The following CDAN1 variants were observed in gnomAD, a reference collection of about 807,000 sequenced individuals.
CDAN1 encodes the protein codanin 1, also known as codanin-1.
Under a neutral mutation model 139.8 loss-of-function variants are expected in CDAN1, and 107 were observed. The observed-to-expected ratio is 0.77, with a 90% CI of 0.65 to 0.90. CDAN1 has a LOEUF of 0.90. Ranked by LOEUF, CDAN1 falls within the 40% of genes least tolerant of loss-of-function variation. The pLI is 0.00. For synonymous variants in CDAN1, 776 were observed against 660.6 expected (o/e 1.17, Z -2.68); for missense variants, 1,667 against 1,575.7 (o/e 1.06, Z -0.98).
At chr15:42,733,029 T>G (rs2061636236) in intron 9 of CDAN1, 68 bp downstream of exon 9, 1 of 1,371,226 alleles carries the variant, frequency 7.3e-7, no homozygotes, top group Admixed American at 1.7e-5. Context: ...TCCTCCTCCC[T>G]CCTGCCACCG....
chr15:42,730,010 C>T, intron 15 of CDAN1, 118 bp downstream of exon 15: 1 of 1,254,018 alleles, frequency 8.0e-7, no homozygotes. Context: ...ATGGGAATCC[C>T]CAGGCCTTTC....
At chr15:42,724,969 C>A (rs2061503140) in intron 27 of CDAN1, 175 bp downstream of exon 27, 6 of 684,136 alleles carry the variant, frequency 8.8e-6, no homozygotes, top group Non-Finnish European at 2.6e-6. Context: ...CGTCCGTCTT[C>A]CCACTAACAC....
chr15:42,731,447 G>C (rs1266665079), intron 11 of CDAN1, 116 bp from the exon 12 acceptor site: 4 of 1,504,026 alleles, frequency 2.7e-6, no homozygotes, highest in Admixed American at 1.7e-5. Context: ...AGGCCCAGGA[G>C]CAATGAAATC....
rs773027053 is a variant in CDAN1, at chr15:42,726,274, G to C, written c.3204+36C>G. 2.5e-6 allele frequency: 4 copies of C among 1,593,666 alleles called. No homozygotes were observed. The East Asian group carries it at 6.8e-5, about 27-fold the overall frequency. On this transcript the variant is annotated intron_variant, in intron 24 of 27. Coordinates refer to ENST00000356231, the MANE Select transcript of CDAN1 (RefSeq NM_138477.4). ...TTATCAGGTCTCACACAAGGACACA[G>C]AAAAAAGCCCCCCGGTGGCAGATGC...
rs549900345 is a variant in CDAN1, at chr15:42,735,699, C to G, written c.774-20G>C. On this transcript the variant is annotated intron_variant, in intron 3 of 27. Transcript: ENST00000356231. ...TTAGAGCTATGGAATAAAGAAATTT[C>G]ATGAGCAGTCAGCTTGGCTTCCCTG... The G allele has an allele frequency of 2.5e-6, 4 of 1,613,538 alleles. No individual in the cohort carries two copies. The East Asian group carries it at 8.9e-5, about 36-fold the overall frequency.
intron 8 of CDAN1, 90 bp from the exon 9 acceptor site, chr15:42,733,276 ACC>A (rs1491580347): frequency 4.3e-6 from 4 of 931,012 alleles, no homozygotes; most frequent in Non-Finnish European, 6.4e-6. Context: ...CCCACCCACC[ACC>A]TTTTTTTTTT....
chr15:42,728,109 C>G (rs1218069212), intron 21 of CDAN1, 76 bp from the exon 22 acceptor site: 1 of 1,583,654 alleles, frequency 6.3e-7, no homozygotes. Flanking sequence ...CGAGCACTGA[C>G]CCCGCCCCCA....
In CDAN1 at chr15:42,731,193, CTTG is replaced by C. The variant is rs773933521; in HGVS notation, c.1860+15_1860+17del. 20 of 1,614,080 alleles carry C rather than the reference CTTG, an allele frequency of 1.2e-5. No individual in the cohort carries two copies. The Admixed American group carries it at 3.0e-4, about 24-fold the overall frequency. ...TCCTGGGTCAGACCCCATTATTTCC[CTTG>C]TTCTGTTTTCGGACCTGCCAGTCTA... On this transcript the variant is annotated intron_variant, in intron 12 of 27. Coordinates refer to ENST00000356231, the MANE Select transcript of CDAN1 (RefSeq NM_138477.4).
In CDAN1 at chr15:42,735,281, T is replaced by A; in HGVS notation, c.1037A>T (p.Glu346Val). ...RMVTAKDSDPELSPAVLDSLE... is the reference protein window; with the variant it reads ...RMVTAKDSDPVLSPAVLDSLE... Reference sequence around the variant, plus strand: ...CTGACCTAGGACAGCTGGACTTAGTTCAGGGTCGCTGTCCTTGGCAGTCAC... The same window carrying A: ...CTGACCTAGGACAGCTGGACTTAGTACAGGGTCGCTGTCCTTGGCAGTCAC... The change falls in exon 5 of 28, where the codon GAA becomes GTA. Residue 346 changes from glutamate (E) to valine (V), a missense_variant. Glu to Val is a moderately radical substitution (Grantham distance 121). Coordinates refer to ENST00000356231, the MANE Select transcript of CDAN1 (RefSeq NM_138477.4). 1 of 1,609,112 alleles carries A rather than the reference T, an allele frequency of 6.2e-7. No homozygotes were observed. Among genetic ancestry groups the A allele is most frequent in the Non-Finnish European group, 8.5e-7 (1 of 1,177,528 alleles).
chr15:42,731,094 A>C (rs773705462), intron 12 of CDAN1, 23 bp from the exon 13 acceptor site: 7 of 1,614,202 alleles, frequency 4.3e-6, no homozygotes, highest in Non-Finnish European at 5.9e-6. Flanking sequence ...AAGGGAAGTA[A>C]AAGGTCCAAG....
rs1389275492 is a variant in CDAN1 at position 42,735,533 on chromosome 15, A to C, written c.920T>G (p.Leu307Arg). 1.2e-6 allele frequency: 2 copies of C among 1,614,102 alleles called. No individual in the cohort carries two copies. The highest frequency in any genetic ancestry group is 1.3e-5 in the African/African-American group (1 of 74,936). The change falls in exon 4 of 28, where the codon CTT becomes CGT. Residue 307 changes from leucine to arginine, a missense_variant. Around this residue, in one of 3 missense-constraint regions of CDAN1, gnomAD observed 244 missense variants for 309.4 expected, o/e 0.79. Coordinates refer to ENST00000356231, the MANE Select transcript of CDAN1 (RefSeq NM_138477.4). ...SSRQRLELVA[L>R]VYSSCIAENL... ...ACCAGCAATGCACGAGGAGTAAACA[A>C]GGGCTACAAGCTCCAGGCGCTGGCG... is the stretch of plus-strand genomic sequence containing the variant.
Position 42,733,932 on chromosome 15 carries a change from T to C in CDAN1, c.1367+6A>G. 6.2e-7 allele frequency: 1 copy of C among 1,601,902 alleles called. No homozygotes were observed. The highest frequency in any genetic ancestry group is 8.6e-7 in the Non-Finnish European group (1 of 1,168,880). On this transcript the variant is annotated splice_donor_region_variant and intron_variant, in intron 8 of 27. Coordinates refer to ENST00000356231, the MANE Select transcript of CDAN1 (RefSeq NM_138477.4). ...TCCCTCCCCAAAAAGTCCCTTTTCT[T>C]ATCACCTCTGTTTCTTAAAAGTATG...
Position 42,726,445 on chromosome 15 carries a change from T to C in CDAN1, c.3097-28A>G, listed in dbSNP as rs963590294. The C allele has an allele frequency of 5.3e-6, 8 of 1,516,186 alleles. No individual in the cohort carries two copies. In the African/African-American group the frequency reaches 6.9e-5, roughly 13 times the overall value. 93.9% of individuals were successfully genotyped at this position (1,516,186 alleles called of 1,614,324 possible). A position where few individuals can be genotyped will look rare whatever the true frequency, so the allele number is the denominator to read the frequency against. On this transcript the variant is annotated intron_variant, in intron 23 of 27. Transcript: ENST00000356231. ...GTGAAGAGCAGGGGGAGATATCACC[T>C]TGCGCTGGGGGCCAGGATGCCACAG... is the stretch of plus-strand genomic sequence containing the variant.
At chr15:42,724,954 C>T in intron 27 of CDAN1, 190 bp downstream of exon 27, 1 of 661,850 alleles carries the variant, frequency 1.5e-6, no homozygotes, top group Non-Finnish European at 2.7e-6. Flanking sequence ...TAACTGCCTG[C>T]CTTTCGTCCG....
At position 42,728,340 on chromosome 15, in the gene CDAN1, C is replaced by T. The variant is rs187355078; in HGVS notation, c.2805-73G>A. On this transcript the variant is annotated intron_variant, in intron 20 of 27. Coordinates refer to ENST00000356231, the MANE Select transcript of CDAN1 (RefSeq NM_138477.4). Reference sequence around the variant, plus strand: ...GCTGCAGAAGTAAATGCCCCGAGTGCACCAAGCCCCTGACCTGGGAGGCTG... The same window carrying T: ...GCTGCAGAAGTAAATGCCCCGAGTGTACCAAGCCCCTGACCTGGGAGGCTG... 2.6e-4 allele frequency: 393 copies of T among 1,502,662 alleles called. 3 individuals are homozygous for T. The East Asian group carries it at 7.7e-3, about 30-fold the overall frequency. 93.1% of individuals were successfully genotyped at this position (1,502,662 alleles called of 1,614,324 possible).
rs200145524 is a variant in CDAN1, at chr15:42,733,090, C to T, written c.1457+7G>A. 1.9e-6 allele frequency: 3 copies of T among 1,613,564 alleles called. No homozygotes were observed. The highest frequency in any genetic ancestry group is 2.2e-5 in the East Asian group (1 of 44,872). On this transcript the variant is annotated splice_region_variant and intron_variant, in intron 9 of 27. Transcript: ENST00000356231. Reference sequence around the variant, plus strand: ...AGGAACAAGAAAGACAAGGTCTGAGCACCCACCTGATTCTGCTGCCCAAGC... The same window carrying T: ...AGGAACAAGAAAGACAAGGTCTGAGTACCCACCTGATTCTGCTGCCCAAGC...
chr15:42,731,442 C>CAGGAGCA, intron 11 of CDAN1, 111 bp from the exon 12 acceptor site: 1 of 1,524,450 alleles, frequency 6.6e-7, no homozygotes, highest in Admixed American at 1.7e-5. Context: ...CAGGGAGGCC[C>CAGGAGCA]AGGAGCAATG....
At chr15:42,724,986 T>C in intron 27 of CDAN1, 158 bp downstream of exon 27, 1 of 717,634 alleles carries the variant, frequency 1.4e-6, no homozygotes, top group South Asian at 1.5e-5. Context: ...ACACAGTCCC[T>C]CATATAATAA....
intron 25 of CDAN1, among the ~76,000 whole-genome samples, 194 bp downstream of exon 25, chr15:42,725,903 G>A (rs2061520414): frequency 6.7e-6 from 1 of 148,238 alleles, no homozygotes; most frequent in African/African-American, 2.5e-5. Context: ...TTGAACCCGG[G>A]AGGCAGAGGT....
Sources: allele counts gnomAD v4.1 joint callset (sites outside exome capture counted in the v4.1 genomes callset), GRCh38; gene constraint gnomAD v4.1.1; regional missense constraint gnomAD v4.1.1; transcripts MANE v1.5; gene names NCBI Gene and HGNC (gene_info 2026-07-23, HGNC 2026-07-21).